Variants in DERL2 observed in about 807,000 individuals in gnomAD.
The protein encoded by DERL2 is derlin 2, also known as derlin-2.
In DERL2, 13 loss-of-function variants were observed where a neutral mutation model predicts 32.0. That is an observed-to-expected ratio of 0.41 (90% confidence interval 0.26 to 0.65). DERL2 has a LOEUF of 0.65. Among genes scored for constraint, DERL2 ranks in the 30% least tolerant of loss-of-function variants. The pLI, the probability that DERL2 is intolerant of heterozygous loss-of-function variation, is 0.35. For synonymous variants in DERL2, 111 were observed against 104.7 expected (o/e 1.06, Z -0.37); for missense variants, 208 against 296.3 (o/e 0.70, Z 2.19).
At chr17:5,485,306 C>A in intron 1 of DERL2, 90 bp from the exon 2 acceptor site, 1 of 858,092 alleles carries the variant, frequency 1.2e-6, no homozygotes. Context: ...CAATTTCCAA[C>A]TCTCGGTCAC....
chr17:5,485,067 G>C (rs1265970800), intron 2 of DERL2, 84 bp downstream of exon 2: 1 of 961,096 alleles, frequency 1.0e-6, no homozygotes. Context: ...TCTTTTTTAG[G>C]ATAGTGTATA....
At chr17:5,476,568 G>A (rs1597371021) in intron 6 of DERL2, among the ~76,000 whole-genome samples, 1 of 152,216 alleles carries the variant, frequency 6.6e-6, no homozygotes, top group Middle Eastern at 3.4e-3. Flanking sequence ...GATCACCTGA[G>A]GTCAGGAGTT....
chr17:5,485,339 C>T, intron 1 of DERL2, 123 bp from the exon 2 acceptor site: 1 of 627,978 alleles, frequency 1.6e-6, no homozygotes, highest in Non-Finnish European at 2.7e-6. Context: ...TCCTTTAAGC[C>T]TTTCTTCTTA....
chr17:5,473,876 G>A lies in DERL2; in HGVS notation c.*808C>T, dbSNP rs1905233641. 1 of 151,962 alleles carries A rather than the reference G, an allele frequency of 6.6e-6. No individual in the cohort carries two copies. The highest frequency in any genetic ancestry group is 1.5e-5 in the Non-Finnish European group (1 of 67,974). 9.4% of individuals were successfully genotyped at this position (151,962 alleles called of 1,614,324 possible). On this transcript the variant is annotated 3_prime_UTR_variant, in exon 7 of 7. Coordinates refer to ENST00000158771, the MANE Select transcript of DERL2 (RefSeq NM_016041.5). ...ATCTTCCTAGTTTTACAAAAATGTG[G>A]CCCTTACCAATCTTTCCCTGGATAC...
chr17:5,481,361 C>T lies in DERL2; in HGVS notation c.262G>A (p.Gly88Ser). 6.2e-7 allele frequency: 1 copy of T among 1,614,042 alleles called. No homozygotes were observed. The highest frequency in any genetic ancestry group is 8.5e-7 in the Non-Finnish European group (1 of 1,179,918). The part of the protein sequence containing the change: ...LYRYCRMLEE[G>S]SFRGRTADFV... ...TCTGCTGTCCGACCTCGGAAAGAGC[C>T]TTCTTCTAGCATTCGACAGTAACGA... Residue 88 changes from glycine to serine, a missense_variant, in exon 4 of 7, where the codon GGC becomes AGC. This residue lies in a region of DERL2 where 124 missense variants were observed against 215.3 expected (regional missense o/e 0.58). Coordinates refer to ENST00000158771, the MANE Select transcript of DERL2 (RefSeq NM_016041.5). The surrounding 1 kb of genome is among the most constrained non-coding windows in gnomAD (Gnocchi z 4.4).
At chr17:5,480,192 AT>A (rs1415269364) in intron 5 of DERL2, 48 bp from the exon 6 acceptor site, 5 of 1,385,160 alleles carry the variant, frequency 3.6e-6, no homozygotes, top group Non-Finnish European at 5.1e-6. Flanking sequence ...TAAAATTTAG[AT>A]TGCAGGTAGA....
Position 5,474,817 on chromosome 17 carries a change from G to A in DERL2, c.615-28C>T. The A allele has an allele frequency of 6.3e-7, 1 of 1,588,996 alleles. No individual in the cohort carries two copies. Among genetic ancestry groups the A allele is most frequent in the Non-Finnish European group, 8.6e-7 (1 of 1,159,540 alleles). On this transcript the variant is annotated intron_variant, in intron 6 of 6. Transcript: ENST00000158771. The surrounding 1 kb of genome is among the most constrained non-coding windows in gnomAD (Gnocchi z 4.3). ...AAAAGACAAGCAACAGATATAATTTGGTCCCAGAGTCATCTCAGGTCCAAA... is the reference window on the plus strand; with the variant it reads ...AAAAGACAAGCAACAGATATAATTTAGTCCCAGAGTCATCTCAGGTCCAAA...
chr17:5,480,018 C>T (rs1325640819), intron 6 of DERL2, 36 bp downstream of exon 6: 2 of 1,332,780 alleles, frequency 1.5e-6, no homozygotes, highest in Non-Finnish European at 2.1e-6. Flanking sequence ...TCCTGGTTTG[C>T]CTGTAAGAGT....
chr17:5,480,520 A>G lies in DERL2; in HGVS notation c.390T>C (p.Tyr130=), dbSNP rs753525555. 1.0e-5 allele frequency: 16 copies of G among 1,600,064 alleles called. No individual in the cohort carries two copies. Among genetic ancestry groups the G allele is most frequent in the Admixed American group, 7.2e-5 (4 of 55,658 alleles). ...LGQAFTIMLV[Y]VWSRRNPYVR... ...CATAGGGGTTCCTTCGGCTCCACAC[A>G]TAGACGAGCATTATTGTAAAGGCCT... The change falls in exon 5 of 7, where the codon TAT becomes TAC. Residue 130 remains tyrosine, a synonymous_variant. Coordinates refer to ENST00000158771, the MANE Select transcript of DERL2 (RefSeq NM_016041.5).
upstream of DERL2, chr17:5,486,194 C>CACCCCATT: frequency 4.9e-6 from 6 of 1,214,808 alleles, no homozygotes; most frequent in Non-Finnish European, 6.6e-6. Context: ...ACCCCCCACC[C>CACCCCATT]ACCCCATTTC....
At chr17:5,482,538 A>G (rs1905860764) in intron 3 of DERL2, 1 of 302,194 alleles carries the variant, frequency 3.3e-6, no homozygotes, top group East Asian at 1.0e-4. Flanking sequence ...GGTATGCCTC[A>G]GTTAAATCAA....
In DERL2 at chr17:5,474,494, A is replaced by C. The variant is rs1201220356; in HGVS notation, c.*190T>G. On this transcript the variant is annotated 3_prime_UTR_variant, in exon 7 of 7. Coordinates refer to ENST00000158771, the MANE Select transcript of DERL2 (RefSeq NM_016041.5). The surrounding 1 kb of genome is among the most constrained non-coding windows in gnomAD (Gnocchi z 4.3). The stretch of plus-strand genomic sequence containing the variant: ...GAAATTACACTTTCAGTACCAGTGT[A>C]GTGAGGAACCACTGGCAAACTGTTG... 1 of 509,004 alleles carries C rather than the reference A, an allele frequency of 2.0e-6. No homozygotes were observed. The highest frequency in any genetic ancestry group is 2.0e-5 in the African/African-American group (1 of 50,050). The allele number at this position is 509,004 out of a possible 1,614,324, so 31.5% of individuals were successfully genotyped here. A position where few individuals can be genotyped will look rare whatever the true frequency, so the allele number is the denominator to read the frequency against.
At chr17:5,478,796 T>G (rs1905561556) in intron 6 of DERL2, among the ~76,000 whole-genome samples, 1 of 152,166 alleles carries the variant, frequency 6.6e-6, no homozygotes, top group Non-Finnish European at 1.5e-5. Flanking sequence ...GAAAAAACAA[T>G]TATGGCATAC....
chr17:5,477,857 C>T (rs542289383), intron 6 of DERL2: 3 of 152,154 alleles, frequency 2.0e-5, no homozygotes, highest in South Asian at 2.1e-4. Context: ...CATATAATTC[C>T]ATTGCTCTGT....
At chr17:5,478,070 AAAAAT>A (rs1466088314) in intron 6 of DERL2, 1 of 152,236 alleles carries the variant, frequency 6.6e-6, no homozygotes, top group African/African-American at 2.4e-5. Flanking sequence ...AAAAAAATAA[AAAAAT>A]AAAAAGTGGG....
rs1905205667 is a variant in DERL2, at chr17:5,473,340, A to C, written c.*1344T>G. On this transcript the variant is annotated 3_prime_UTR_variant, in exon 7 of 7. Coordinates refer to ENST00000158771, the MANE Select transcript of DERL2 (RefSeq NM_016041.5). ...CCTGCTGAGACTCAGGGAAGACTTA[A>C]TATTTAGGGGAAGTATTTATTGAAC... 1 of 152,282 alleles carries C rather than the reference A, an allele frequency of 6.6e-6. No individual in the cohort carries two copies. The highest frequency in any genetic ancestry group is 2.4e-5 in the African/African-American group (1 of 41,558). The allele number at this position is 152,282 out of a possible 1,614,324, so 9.4% of individuals were successfully genotyped here. A position where few individuals can be genotyped will look rare whatever the true frequency, so the allele number is the denominator to read the frequency against.
chr17:5,482,917 G>C (rs758606565), intron 2 of DERL2, 35 bp from the exon 3 acceptor site: 3 of 1,179,550 alleles, frequency 2.5e-6, no homozygotes, highest in Non-Finnish European at 3.7e-6. Flanking sequence ...GATGTATTAA[G>C]TAAAATAAAT....
In DERL2 at chr17:5,480,559, T is replaced by C. The variant is rs755494664; in HGVS notation, c.351A>G (p.Leu117=). ...TTGTAAAGGCCTGGCCCAAGAAAAC[T>C]AAGCTCACAAACAGACCAAAAAGCT... ...LMTLFGLFVS[L]VFLGQAFTIM... Residue 117 remains leucine, a synonymous_variant, in exon 5 of 7, where the codon TTA becomes TTG. Transcript: ENST00000158771. 7.1e-6 allele frequency: 11 copies of C among 1,540,632 alleles called. No homozygotes were observed. Among genetic ancestry groups the C allele is most frequent in the Middle Eastern group, 1.7e-4 (1 of 5,780 alleles).
At position 5,480,034 on chromosome 17, in the gene DERL2, A is replaced by C; in HGVS notation, c.614+20T>G. The C allele has an allele frequency of 4.0e-6, 6 of 1,497,306 alleles. No individual in the cohort carries two copies. Among genetic ancestry groups the C allele is most frequent in the Non-Finnish European group, 5.6e-6 (6 of 1,077,610 alleles). The allele number at this position is 1,497,306 out of a possible 1,614,324, so 92.8% of individuals were successfully genotyped here. ...CCTGGTTTGCCTGTAAGAGTATGTA[A>C]CCTGGTGTTAAATACTCACAAAATA... On this transcript the variant is annotated intron_variant, in intron 6 of 6. Coordinates refer to ENST00000158771, the MANE Select transcript of DERL2 (RefSeq NM_016041.5).
Sources: gnomAD v4.1 joint callset for allele counts (sites outside exome capture counted in the v4.1 genomes callset) on GRCh38, gnomAD v4.1.1 for gene constraint, gnomAD v4.1.1 regional missense constraint, Gnocchi (gnomAD v3.1) non-coding constraint, MANE v1.5 for transcripts, NCBI Gene and HGNC (gene_info 2026-07-23, HGNC 2026-07-21) for gene names.